APC: variants seen among roughly 807,000 people sequenced by gnomAD.
The protein encoded by APC is adenomatous polyposis coli protein.
Under a neutral mutation model 247.0 loss-of-function variants are expected in APC, and 72 were observed. That is an observed-to-expected ratio of 0.29 (90% CI 0.24 to 0.35). The LOEUF (loss-of-function observed/expected upper bound fraction) is 0.35. APC is among the 10% of genes least tolerant of loss of function. The pLI is 1.00. For missense variants in APC, 3,400 were observed against 3,360.7 expected (o/e 1.01, Z -0.29); for synonymous variants, 1,254 against 1,162.5 (o/e 1.08, Z -1.60).
chr5:112,841,614 A>G lies in APC; in HGVS notation c.6020A>G (p.Tyr2007Cys), dbSNP rs752604668. ...CCAAGTAAACCTCAAGCATCAGGCT[A>G]TGCTCCTAAATCATTTCATGTTGAA... ...GEPSKPQASG[Y>C]APKSFHVEDT... is the part of the protein sequence containing the mutation. Residue 2007 changes from tyrosine (Y) to cysteine (C), a missense_variant, in exon 16 of 16, where the codon TAT becomes TGT. This residue lies in a region of APC where 1,788 missense variants were observed against 1,649.5 expected (regional missense o/e 1.08). Coordinates refer to ENST00000257430, the MANE Select transcript of APC (RefSeq NM_000038.6). This position sits in a 1 kb window ranked among gnomAD's most constrained non-coding sequence, Gnocchi z 4.6. 26 of 1,613,216 alleles carry G rather than the reference A, an allele frequency of 1.6e-5. No individual in the cohort carries two copies. Among genetic ancestry groups the G allele is most frequent in the Middle Eastern group, 1.6e-4 (1 of 6,084 alleles).
intron 7 of APC, among the ~76,000 whole-genome samples, chr5:112,793,594 A>G (rs1759885220): frequency 6.6e-6 from 1 of 152,202 alleles, no homozygotes; most frequent in Admixed American, 6.5e-5. Context: ...GCTTCATTTA[A>G]CTTTTTCATA....
rs876658310 is a variant in APC, at chr5:112,839,609, G to A, written c.4015G>A (p.Gly1339Ser). The A allele has an allele frequency of 4.3e-6, 7 of 1,614,014 alleles. No homozygotes were observed. Among genetic ancestry groups the A allele is most frequent in the African/African-American group, 1.3e-5 (1 of 74,904 alleles). ...HPRTKSSRLQ[G>S]SSLSSESARH... ...TAGAACCAAATCCAGCAGACTGCAG[G>A]GTTCTAGTTTATCTTCAGAATCAGC... The change falls in exon 16 of 16, where the codon GGT becomes AGT. Residue 1339 changes from glycine (G) to serine (S), a missense_variant. Physicochemically the swap from Gly to Ser is moderately conservative, Grantham distance 56. Transcript: ENST00000257430. This position sits in a 1 kb window ranked among gnomAD's most constrained non-coding sequence, Gnocchi z 5.0.
At chr5:112,711,432 A>C (rs889451289) in intron 1 of APC, among the ~76,000 whole-genome samples, 1 of 152,212 alleles carries the variant, frequency 6.6e-6, no homozygotes, top group African/African-American at 2.4e-5. Flanking sequence ...TGTGAAATAT[A>C]CTGTCTTCTG....
intron 1 of APC, among the ~76,000 whole-genome samples, chr5:112,750,664 C>T (rs1320601468): frequency 1.3e-5 from 2 of 152,158 alleles, no homozygotes; most frequent in East Asian, 3.8e-4. Flanking sequence ...TCCTTTATTA[C>T]TCCTAGTCTA....
intron 6 of APC, among the ~76,000 whole-genome samples, chr5:112,791,120 G>C (rs1181176293): frequency 4.0e-5 from 6 of 151,692 alleles, no homozygotes; most frequent in African/African-American, 1.5e-4. Context: ...ACTTCCACTA[G>C]TATTCATAAA....
intron 10 of APC, 37 bp from the exon 11 acceptor site, chr5:112,821,859 A>G (rs2149791543): frequency 2.0e-6 from 3 of 1,493,806 alleles, no homozygotes; most frequent in Non-Finnish European, 2.8e-6. Flanking sequence ...TCTTCAAATA[A>G]CAAAGCATTA....
chr5:112,712,226 C>T (rs968369959), intron 1 of APC, among the ~76,000 whole-genome samples: 3 of 149,298 alleles, frequency 2.0e-5, no homozygotes, highest in Non-Finnish European at 4.5e-5. Flanking sequence ...TGATATAAAC[C>T]ATCATTTCTG....
rs368544993 is a variant in APC at position 112,708,518 on chromosome 5, G to C, written c.165+636G>C. Reference sequence around the variant, plus strand: ...CTGAACTGTTGAGGTGGGGGCGTGAGCTTTCTAGATCTAGTGAAAGAATTG... The same window carrying C: ...CTGAACTGTTGAGGTGGGGGCGTGACCTTTCTAGATCTAGTGAAAGAATTG... On this transcript the variant is annotated intron_variant, in intron 1 of 13. Coordinates refer to the APC transcript ENST00000507379. 6.6e-6 allele frequency among the ~76,000 whole-genome samples: 1 copy of C among 152,132 alleles called. No homozygotes were observed. The highest frequency in any genetic ancestry group is 1.5e-5 in the Non-Finnish European group (1 of 68,020).
At chr5:112,787,902 A>C (rs1759144645) in intron 6 of APC, among the ~76,000 whole-genome samples, 1 of 152,146 alleles carries the variant, frequency 6.6e-6, no homozygotes, top group South Asian at 2.1e-4. Context: ...GGAGGCAGGA[A>C]TCTAACTTAT....
chr5:112,827,643 T>C (rs1287687231), intron 12 of APC, among the ~76,000 whole-genome samples: 1 of 152,236 alleles, frequency 6.6e-6, no homozygotes, highest in Non-Finnish European at 1.5e-5. Flanking sequence ...ACACACACAT[T>C]GATTCCATCC....
intron 6 of APC, among the ~76,000 whole-genome samples, chr5:112,790,226 T>C (rs1382216182): frequency 6.6e-6 from 1 of 152,068 alleles, no homozygotes; most frequent in Admixed American, 6.6e-5. Context: ...CTTAGTTATA[T>C]TGTTAAAAAG....
chr5:112,827,848 A>G, intron 12 of APC, 81 bp from the exon 13 acceptor site: 2 of 1,126,594 alleles, frequency 1.8e-6, no homozygotes, highest in Non-Finnish European at 1.3e-6. Context: ...TGAAAACTGA[A>G]TTAGACATTT....
At chr5:112,825,834 A>G (rs1445397685) in intron 11 of APC, among the ~76,000 whole-genome samples, 2 of 152,228 alleles carry the variant, frequency 1.3e-5, no homozygotes, top group Non-Finnish European at 2.9e-5. Context: ...GTGGTTCTAC[A>G]TAGTTCATCT....
chr5:112,843,357 A>T lies in APC; in HGVS notation c.7763A>T (p.Asp2588Val), dbSNP rs1554088648. Residue 2588 changes from aspartate to valine, a missense_variant, in exon 16 of 16, where the codon GAT (aspartate) becomes GTT (valine). Physicochemically the swap from Asp to Val is radical, Grantham distance 152. Transcript: ENST00000257430. This position sits in a 1 kb window ranked among gnomAD's most constrained non-coding sequence, Gnocchi z 4.8. Reference sequence around the variant, plus strand: ...TCCAGTGAAAAAGCAAAAAGTGAGGATGAAAAACATGTGAACTCTATTTCA... The same window carrying T: ...TCCAGTGAAAAAGCAAAAAGTGAGGTTGAAAAACATGTGAACTCTATTTCA... Reference protein sequence around the residue: ...SESSEKAKSEDEKHVNSISGT... With the variant: ...SESSEKAKSEVEKHVNSISGT... 6.2e-7 allele frequency: 1 copy of T among 1,613,994 alleles called. No individual in the cohort carries two copies. The highest frequency in any genetic ancestry group is 1.1e-5 in the South Asian group (1 of 91,074).
chr5:112,759,336 TTTTCTTTC>T (rs1177965395), intron 2 of APC, among the ~76,000 whole-genome samples: 4 of 150,570 alleles, frequency 2.7e-5, no homozygotes, highest in African/African-American at 9.8e-5. Context: ...TAATGAATAA[TTTTCTTTC>T]TTTCTTTCTT....
chr5:112,841,613 T>C lies in APC; in HGVS notation c.6019T>C (p.Tyr2007His), dbSNP rs745811356. 4.0e-5 allele frequency: 65 copies of C among 1,613,246 alleles called. No individual in the cohort carries two copies. Among genetic ancestry groups the C allele is most frequent in the Non-Finnish European group, 5.4e-5 (64 of 1,179,288 alleles). Reference protein sequence around the residue: ...GEPSKPQASGYAPKSFHVEDT... With the variant: ...GEPSKPQASGHAPKSFHVEDT... Reference sequence around the variant, plus strand: ...ACCAAGTAAACCTCAAGCATCAGGCTATGCTCCTAAATCATTTCATGTTGA... The same window carrying C: ...ACCAAGTAAACCTCAAGCATCAGGCCATGCTCCTAAATCATTTCATGTTGA... Residue 2007 changes from tyrosine (Y) to histidine (H), a missense_variant, in exon 16 of 16, where the codon TAT becomes CAT. By Grantham distance (83) the Tyr-to-His change is moderately conservative. Coordinates refer to ENST00000257430, the MANE Select transcript of APC (RefSeq NM_000038.6). The surrounding 1 kb of genome is among the most constrained non-coding windows in gnomAD (Gnocchi z 4.6).
At chr5:112,789,529 TA>T (rs1310675973) in intron 6 of APC, among the ~76,000 whole-genome samples, 1 of 152,174 alleles carries the variant, frequency 6.6e-6, no homozygotes, top group Non-Finnish European at 1.5e-5. Flanking sequence ...TATGGAAATG[TA>T]GTGTAAAACG....
Position 112,842,145 on chromosome 5 carries a change from A to G in APC, c.6551A>G (p.Glu2184Gly), listed in dbSNP as rs1766242644. 1.2e-6 allele frequency: 2 copies of G among 1,611,908 alleles called. No homozygotes were observed. Among genetic ancestry groups the G allele is most frequent in the South Asian group, 1.1e-5 (1 of 90,760 alleles). Residue 2184 changes from glutamate (E) to glycine (G), a missense_variant, in exon 16 of 16, where the codon GAA (glutamate) becomes GGA (glycine). Coordinates refer to ENST00000257430, the MANE Select transcript of APC (RefSeq NM_000038.6). ...STLETKKIES[E>G]SKGIKGGKKV... ...TTGGAAACTAAAAAGATAGAATCTGAAAGTAAAGGAATCAAAGGAGGAAAA... is the reference window on the plus strand; with the variant it reads ...TTGGAAACTAAAAAGATAGAATCTGGAAGTAAAGGAATCAAAGGAGGAAAA...
At chr5:112,752,433 A>G (rs940359400) in intron 1 of APC, among the ~76,000 whole-genome samples, 7 of 152,134 alleles carry the variant, frequency 4.6e-5, no homozygotes, top group Non-Finnish European at 1.0e-4. Context: ...AGTCTAGATA[A>G]TAGTCCTTGT....
Sources: gnomAD v4.1 joint callset for allele counts (sites outside exome capture counted in the v4.1 genomes callset) on GRCh38, gnomAD v4.1.1 for gene constraint, gnomAD v4.1.1 regional missense constraint, Gnocchi (gnomAD v3.1) non-coding constraint, MANE v1.5 for transcripts, NCBI Gene and HGNC (gene_info 2026-07-23, HGNC 2026-07-21) for gene names.